Variants in PAF1 observed in about 807,000 individuals in gnomAD.
PAF1 encodes the protein PAF1 component of Paf1/RNA polymerase II complex.
Under a neutral mutation model 68.4 loss-of-function variants are expected in PAF1, and 31 were observed. The observed-to-expected ratio is 0.45, with a 90% CI of 0.34 to 0.61. The LOEUF (loss-of-function observed/expected upper bound fraction) is 0.61, where lower values mean the gene tolerates loss of function less well. Among genes scored for constraint, PAF1 ranks in the 20% least tolerant of loss-of-function variants. PAF1 has a pLI of 0.01. For missense variants in PAF1, 435 were observed against 692.9 expected (o/e 0.63, Z 4.18); for synonymous variants, 256 against 240.5 (o/e 1.06, Z -0.60).
At chr19:39,390,623 A>G (rs1169795656) in intron 1 of PAF1, among the ~76,000 whole-genome samples, 195 bp downstream of exon 1, 1 of 152,050 alleles carries the variant, frequency 6.6e-6, no homozygotes, top group African/African-American at 2.4e-5. Flanking sequence ...TTCTGGAGGG[A>G]GTCTCCAAAA....
rs1261087681 is a variant in PAF1, at chr19:39,385,997, A to T, written c.1590T>A (p.Ser530Arg). The change falls in exon 14 of 14, where the codon AGT becomes AGA. Residue 530 changes from serine (S) to arginine (R), a missense_variant. Coordinates refer to ENST00000221265, the MANE Select transcript of PAF1 (RefSeq NM_019088.4). ...ASDSSEADSD[S>R]D is the part of the protein sequence containing the mutation. Reference sequence around the variant, plus strand: ...GCCCTGAATGCCCTGGGACTCAGTCACTGTCACTATCAGCTTCACTGGAAT... The same window carrying T: ...GCCCTGAATGCCCTGGGACTCAGTCTCTGTCACTATCAGCTTCACTGGAAT... The T allele has an allele frequency of 1.9e-6, 3 of 1,613,448 alleles. No homozygotes were observed. Among genetic ancestry groups the T allele is most frequent in the African/African-American group, 1.3e-5 (1 of 74,924 alleles).
In PAF1 at chr19:39,390,125, G is replaced by A. The variant is rs2078343294; in HGVS notation, c.114C>T (p.Ser38=). 6.2e-7 allele frequency: 1 copy of A among 1,613,976 alleles called. No individual in the cohort carries two copies. The highest frequency in any genetic ancestry group is 1.7e-5 in the Admixed American group (1 of 59,998). The stretch of plus-strand genomic sequence containing the variant: ...TGGGGTCGAAGGGGATATCAGGGAG[G>A]CTATTGCAGTACTTGACTCGGCAGA... ...GVVCRVKYCN[S]LPDIPFDPKF... Residue 38 remains serine, a synonymous_variant, in exon 3 of 14, where the codon AGC becomes AGT. Transcript: ENST00000221265.
chr19:39,386,724 C>G lies in PAF1; in HGVS notation c.1062G>C (p.Arg354=). Residue 354 remains arginine (R), a synonymous_variant, in exon 12 of 14, where the codon CGG becomes CGC. Transcript: ENST00000221265. The surrounding 1 kb of genome is among the most constrained non-coding windows in gnomAD (Gnocchi z 6.1). Reference sequence around the variant, plus strand: ...CTTCCAGTTCCTTCTCATTCATGTCCCGATGTTTGACCACAAGCAGGGCGT... The same window carrying G: ...CTTCCAGTTCCTTCTCATTCATGTCGCGATGTTTGACCACAAGCAGGGCGT... ...GTNALLVVKH[R]DMNEKELEAQ... is the part of the protein sequence containing the mutation. The G allele has an allele frequency of 1.9e-6, 3 of 1,614,028 alleles. No individual in the cohort carries two copies. Among genetic ancestry groups the G allele is most frequent in the Non-Finnish European group, 2.5e-6 (3 of 1,179,900 alleles).
chr19:39,389,107 C>T lies in PAF1; in HGVS notation c.553G>A (p.Asp185Asn). 1 of 1,614,006 alleles carries T rather than the reference C, an allele frequency of 6.2e-7. No individual in the cohort carries two copies. Among genetic ancestry groups the T allele is most frequent in the Non-Finnish European group, 8.5e-7 (1 of 1,179,848 alleles). ...QITAIEKTFE[D>N]AQKSISQHYS... ...CCCTCAATTACTGATTTCTGGGCAT[C>T]CTCAAAAGTCTTCTCAATGGCTGTG... The change falls in exon 7 of 14, where the codon GAT (aspartate) becomes AAT (asparagine). Residue 185 changes from aspartate (D) to asparagine (N), a missense_variant. Asp to Asn is a conservative substitution (Grantham distance 23, BLOSUM62 1). Transcript: ENST00000221265. The surrounding 1 kb of genome is among the most constrained non-coding windows in gnomAD (Gnocchi z 5.3).
At position 39,385,803 on chromosome 19, in the gene PAF1, G is replaced by A. The variant is rs755629660; in HGVS notation, c.*188C>T. 19 of 816,430 alleles carry A rather than the reference G, an allele frequency of 2.3e-5. No homozygotes were observed. Among genetic ancestry groups the A allele is most frequent in the African/African-American group, 6.9e-5 (4 of 57,986 alleles). 50.6% of individuals were successfully genotyped at this position (816,430 alleles called of 1,614,324 possible). ...AGATCCTTGAGCACCTGGGGGTTGC[G>A]GGAGGTATGTGCTGGGCTGAATGAC... On this transcript the variant is annotated 3_prime_UTR_variant, in exon 14 of 14. Transcript: ENST00000221265.
In PAF1 at chr19:39,390,373, G is replaced by T. The variant is rs1195908485; in HGVS notation, c.48-84C>A. On this transcript the variant is annotated intron_variant, in intron 1 of 13. Coordinates refer to ENST00000221265, the MANE Select transcript of PAF1 (RefSeq NM_019088.4). Reference sequence around the variant, plus strand: ...AAAAGGCTTCCCCAACCTTTCAAAAGGTAGGAGGGGTGACAAATGCTGGTT... The same window carrying T: ...AAAAGGCTTCCCCAACCTTTCAAAATGTAGGAGGGGTGACAAATGCTGGTT... The T allele has an allele frequency of 2.4e-6, 3 of 1,235,654 alleles. No individual in the cohort carries two copies. In the African/African-American group the frequency reaches 7.5e-5, roughly 31 times the overall value. The allele number at this position is 1,235,654 out of a possible 1,614,324, so 76.5% of individuals were successfully genotyped here.
chr19:39,388,465 T>A lies in PAF1; in HGVS notation c.860A>T (p.Tyr287Phe). 6.2e-7 allele frequency: 1 copy of A among 1,614,212 alleles called. No homozygotes were observed. The highest frequency in any genetic ancestry group is 8.5e-7 in the Non-Finnish European group (1 of 1,180,042). ...EEMDYAPDDVYDYKIAREYNW... is the reference protein window; with the variant it reads ...EEMDYAPDDVFDYKIAREYNW... ...GTACTCCCGAGCAATTTTGTAGTCA[T>A]ACCTGAAGATGAGGGCACAGGTTCA... is the stretch of plus-strand genomic sequence containing the variant. Residue 287 changes from tyrosine (Y) to phenylalanine (F), a missense_variant and splice_region_variant, in exon 11 of 14, where the codon TAT becomes TTT. Physicochemically the swap from Tyr to Phe is conservative, Grantham distance 22. This residue lies in a region of PAF1 where 151 missense variants were observed against 306.3 expected (regional missense o/e 0.49). Transcript: ENST00000221265.
At chr19:39,387,380 C>G (rs1180208381) in intron 11 of PAF1, among the ~76,000 whole-genome samples, 1 of 152,150 alleles carries the variant, frequency 6.6e-6, no homozygotes, top group African/African-American at 2.4e-5. Flanking sequence ...CAGTTAGTTA[C>G]CAACACTTTG....
In PAF1 at chr19:39,386,275, C is replaced by G. The variant is rs776690401; in HGVS notation, c.1312G>C (p.Glu438Gln). 2 of 1,614,056 alleles carry G rather than the reference C, an allele frequency of 1.2e-6. No homozygotes were observed. Among genetic ancestry groups the G allele is most frequent in the African/African-American group, 2.7e-5 (2 of 74,910 alleles). The stretch of plus-strand genomic sequence containing the variant: ...GCCCGGGCCTCATCCTCGCTGCTCT[C>G]GTCCTCACCACTGCCACTCTTGTCA... The part of the protein sequence containing the change: ...ASDKSGSGED[E>Q]SSEDEARAAR... Residue 438 changes from glutamate (E) to glutamine (Q), a missense_variant, in exon 14 of 14, where the codon GAG becomes CAG. Glu to Gln is a conservative substitution (Grantham distance 29). Around this residue, in one of 7 missense-constraint regions of PAF1, gnomAD observed 78 missense variants for 80.6 expected, o/e 0.97. Coordinates refer to ENST00000221265, the MANE Select transcript of PAF1 (RefSeq NM_019088.4). The surrounding 1 kb of genome is among the most constrained non-coding windows in gnomAD (Gnocchi z 6.1).
At position 39,385,993 on chromosome 19, in the gene PAF1, A is replaced by C; in HGVS notation, c.1594T>G (p.Ter532GlyextTer14). 6.2e-7 allele frequency: 1 copy of C among 1,613,492 alleles called. No individual in the cohort carries two copies. Among genetic ancestry groups the C allele is most frequent in the Non-Finnish European group, 8.5e-7 (1 of 1,180,012 alleles). ...ACCAGCCCTGAATGCCCTGGGACTC[A>C]GTCACTGTCACTATCAGCTTCACTG... ...DSSEADSDSD[*>G] is the part of the protein sequence containing the mutation. Residue 532 changes from the stop codon to glycine, a stop_lost, in exon 14 of 14, where the codon TGA becomes GGA. Coordinates refer to ENST00000221265, the MANE Select transcript of PAF1 (RefSeq NM_019088.4).
In PAF1 at chr19:39,390,812, G is replaced by A. The variant is rs1476428534; in HGVS notation, c.47+6C>T. ...CCTTGCTGCAACAGAAAAGCGTGGC[G>A]CCTACCTGTGGCCATCCTCCCGCTG... On this transcript the variant is annotated splice_donor_region_variant and intron_variant, in intron 1 of 13. Coordinates refer to ENST00000221265, the MANE Select transcript of PAF1 (RefSeq NM_019088.4). 1.9e-6 allele frequency: 3 copies of A among 1,579,766 alleles called. No homozygotes were observed. The highest frequency in any genetic ancestry group is 1.7e-6 in the Non-Finnish European group (2 of 1,162,294).
In PAF1 at chr19:39,389,405, C is replaced by G. The variant is rs756108955; in HGVS notation, c.360-22G>C. On this transcript the variant is annotated intron_variant, in intron 5 of 13. Transcript: ENST00000221265. This position sits in a 1 kb window ranked among gnomAD's most constrained non-coding sequence, Gnocchi z 5.3. ...GGATCTGGGGTGGGAAATCAGGTATCTCAGGACCCCACTGCCCTCCTGCTT... is the reference window on the plus strand; with the variant it reads ...GGATCTGGGGTGGGAAATCAGGTATGTCAGGACCCCACTGCCCTCCTGCTT... 1 of 1,613,014 alleles carries G rather than the reference C, an allele frequency of 6.2e-7. No homozygotes were observed. The highest frequency in any genetic ancestry group is 1.1e-5 in the South Asian group (1 of 91,062).
At position 39,386,137 on chromosome 19, in the gene PAF1, T is replaced by C; in HGVS notation, c.1450A>G (p.Ser484Gly). Reference sequence around the variant, plus strand: ...CGCTGGCCACCCCCATTGCTGCCGCTGTCTGAATCATTGTCACTGCCACCT... The same window carrying C: ...CGCTGGCCACCCCCATTGCTGCCGCCGTCTGAATCATTGTCACTGCCACCT... ...AQGGSDNDSD[S>G]GSNGGGQRSR... The change falls in exon 14 of 14, where the codon AGC (serine) becomes GGC (glycine). Residue 484 changes from serine to glycine, a missense_variant. Around this residue, in one of 7 missense-constraint regions of PAF1, gnomAD observed 83 missense variants for 99.9 expected, o/e 0.83. Coordinates refer to ENST00000221265, the MANE Select transcript of PAF1 (RefSeq NM_019088.4). The surrounding 1 kb of genome is among the most constrained non-coding windows in gnomAD (Gnocchi z 6.1). 6.2e-7 allele frequency: 1 copy of C among 1,614,178 alleles called. No individual in the cohort carries two copies. Among genetic ancestry groups the C allele is most frequent in the Non-Finnish European group, 8.5e-7 (1 of 1,180,032 alleles).
chr19:39,386,355 T>C lies in PAF1; in HGVS notation c.1232A>G (p.Asp411Gly). 6.2e-7 allele frequency: 1 copy of C among 1,614,146 alleles called. No homozygotes were observed. The highest frequency in any genetic ancestry group is 2.2e-5 in the East Asian group (1 of 44,882). The change falls in exon 14 of 14, where the codon GAT becomes GGT. Residue 411 changes from aspartate (D) to glycine (G), a missense_variant. Asp to Gly is a moderately conservative substitution (Grantham distance 94). This residue lies in a region of PAF1 where 78 missense variants were observed against 80.6 expected (regional missense o/e 0.97). Transcript: ENST00000221265. The surrounding 1 kb of genome is among the most constrained non-coding windows in gnomAD (Gnocchi z 6.1). ...GSSSEKEGSEDEHSGSESERE... is the reference protein window; with the variant it reads ...GSSSEKEGSEGEHSGSESERE... The stretch of plus-strand genomic sequence containing the variant: ...TTCACTCTCGCTGCCCGAGTGCTCA[T>C]CTTCACTGCCCTCCTTCTCACTGCT...
chr19:39,389,135 C>T lies in PAF1; in HGVS notation c.525G>A (p.Gln175=), dbSNP rs2078317426. The T allele has an allele frequency of 6.2e-7, 1 of 1,614,188 alleles. No individual in the cohort carries two copies. The highest frequency in any genetic ancestry group is 2.2e-5 in the East Asian group (1 of 44,894). Residue 175 remains glutamine, a synonymous_variant, in exon 7 of 14, where the codon CAG becomes CAA. Coordinates refer to ENST00000221265, the MANE Select transcript of PAF1 (RefSeq NM_019088.4). This position sits in a 1 kb window ranked among gnomAD's most constrained non-coding sequence, Gnocchi z 5.3. ...CAAAAGTCTTCTCAATGGCTGTGATCTGGCTATCCCTGTCTTTGTATATTT... is the reference window on the plus strand; with the variant it reads ...CAAAAGTCTTCTCAATGGCTGTGATTTGGCTATCCCTGTCTTTGTATATTT... ...EEEIYKDRDS[Q]ITAIEKTFED...
Position 39,385,686 on chromosome 19 carries a change from A to C in PAF1, c.*305T>G, listed in dbSNP as rs2078229580. 3.7e-6 allele frequency: 2 copies of C among 534,098 alleles called. No homozygotes were observed. 33.1% of individuals were successfully genotyped at this position (534,098 alleles called of 1,614,324 possible). A position where few individuals can be genotyped will look rare whatever the true frequency, so the allele number is the denominator to read the frequency against. On this transcript the variant is annotated 3_prime_UTR_variant, in exon 14 of 14. Coordinates refer to ENST00000221265, the MANE Select transcript of PAF1 (RefSeq NM_019088.4). ...GCTTATTTTGGAAAAAAAAAAAACA[A>C]ACAAAAAAAACGAATTCTGACCTTC...
At chr19:39,388,065 C>T (rs2078291802) in intron 11 of PAF1, among the ~76,000 whole-genome samples, 1 of 152,252 alleles carries the variant, frequency 6.6e-6, no homozygotes, top group East Asian at 1.9e-4. Context: ...CACTTGAACC[C>T]AGGAAGCGGA....
In PAF1 at chr19:39,389,561, G is replaced by A. The variant is rs1279566208; in HGVS notation, c.293-15C>T. Reference sequence around the variant, plus strand: ...ATCTAGAAGAACTAGAGGAGAGCGGGGGGCAGGAGGACCATGAGGGAGGCC... The same window carrying A: ...ATCTAGAAGAACTAGAGGAGAGCGGAGGGCAGGAGGACCATGAGGGAGGCC... On this transcript the variant is annotated splice_polypyrimidine_tract_variant and intron_variant, in intron 4 of 13. Transcript: ENST00000221265. This position sits in a 1 kb window ranked among gnomAD's most constrained non-coding sequence, Gnocchi z 5.3. 1.2e-6 allele frequency: 2 copies of A among 1,614,086 alleles called. No individual in the cohort carries two copies. The highest frequency in any genetic ancestry group is 1.7e-5 in the Admixed American group (1 of 59,996).
At position 39,390,137 on chromosome 19, in the gene PAF1, C is replaced by A; in HGVS notation, c.102G>T (p.Lys34Asn). 1 of 1,614,112 alleles carries A rather than the reference C, an allele frequency of 6.2e-7. No homozygotes were observed. The highest frequency in any genetic ancestry group is 1.1e-5 in the South Asian group (1 of 91,080). ...PERSGVVCRV[K>N]YCNSLPDIPF... ...GGATATCAGGGAGGCTATTGCAGTA[C>A]TTGACTCGGCAGACCACTCCAGACC... Residue 34 changes from lysine (K) to asparagine (N), a missense_variant, in exon 3 of 14, where the codon AAG (lysine) becomes AAT (asparagine). Lys to Asn is a moderately conservative substitution (Grantham distance 94, BLOSUM62 0). Around this residue, in one of 7 missense-constraint regions of PAF1, gnomAD observed 77 missense variants for 118.2 expected, o/e 0.65. Transcript: ENST00000221265.
Sources: allele counts gnomAD v4.1 joint callset (sites outside exome capture counted in the v4.1 genomes callset), GRCh38; gene constraint gnomAD v4.1.1; regional missense constraint gnomAD v4.1.1; non-coding constraint Gnocchi (gnomAD v3.1); transcripts MANE v1.5; gene names NCBI Gene and HGNC (gene_info 2026-07-23, HGNC 2026-07-21).